The following PTPN9 variants were observed in gnomAD, a reference collection of about 807,000 sequenced individuals.
PTPN9 encodes the protein tyrosine-protein phosphatase non-receptor type 9.
PTPN9 carries 26 observed loss-of-function variants against 69.8 expected under a neutral mutation model. The observed-to-expected ratio is 0.37, with a 90% CI of 0.27 to 0.52. The LOEUF is 0.52. PTPN9 is among the 20% of genes least tolerant of loss of function. The pLI is 0.91. For synonymous variants in PTPN9, 274 were observed against 272.5 expected (o/e 1.01, Z -0.05); for missense variants, 549 against 740.3 (o/e 0.74, Z 3.00).
At chr15:75,491,178 G>A (rs2074709029) in intron 7 of PTPN9, among the ~76,000 whole-genome samples, 1 of 152,004 alleles carries the variant, frequency 6.6e-6, no homozygotes, top group Non-Finnish European at 1.5e-5. Flanking sequence ...CAAGGCGGGT[G>A]GATCACCTGG....
intron 1 of PTPN9, among the ~76,000 whole-genome samples, chr15:75,544,698 G>A (rs569234261): frequency 3.3e-5 from 5 of 152,210 alleles, no homozygotes; most frequent in South Asian, 4.1e-4. Flanking sequence ...CACTCATGCC[G>A]CTAAAGAGTG....
At chr15:75,508,246 C>T (rs572850156) in intron 6 of PTPN9, among the ~76,000 whole-genome samples, 155 of 152,096 alleles carry the variant, frequency 1.0e-3, no homozygotes, top group Middle Eastern at 3.4e-3. Context: ...ATTGTGGCGG[C>T]GGGGTCTCAC....
At chr15:75,517,422 T>A (rs987863842) in intron 4 of PTPN9, 58 bp from the exon 5 acceptor site, 58 of 1,437,678 alleles carry the variant, frequency 4.0e-5, no homozygotes, top group Non-Finnish European at 5.5e-5. Context: ...TGAGGCAGGT[T>A]GAAAGCCTAA....
chr15:75,562,014 T>TTAG (rs1245089236), intron 1 of PTPN9, among the ~76,000 whole-genome samples: 3 of 151,932 alleles, frequency 2.0e-5, no homozygotes, highest in African/African-American at 7.3e-5. Flanking sequence ...AGCTAATTTA[T>TTAG]TATTATTATT....
At chr15:75,550,002 T>G (rs1337634378) in intron 1 of PTPN9, among the ~76,000 whole-genome samples, 1 of 150,474 alleles carries the variant, frequency 6.6e-6, no homozygotes, top group Non-Finnish European at 1.5e-5. Context: ...AAAAAAACTG[T>G]CTTGATAAAC....
intron 1 of PTPN9, among the ~76,000 whole-genome samples, chr15:75,543,753 A>G (rs1354791512): frequency 6.6e-6 from 1 of 152,202 alleles, no homozygotes; most frequent in East Asian, 1.9e-4. Context: ...ACAATAAAAC[A>G]TATTAGTTTT....
chr15:75,577,745 CTTTTTCTTTTTTCATGTTTA>C (rs1319877479), intron 1 of PTPN9, among the ~76,000 whole-genome samples: 1 of 152,170 alleles, frequency 6.6e-6, no homozygotes, highest in African/African-American at 2.4e-5. Flanking sequence ...CATGGTTTGC[CTTTTTCTTTTTTCATGTTTA>C]TTTTTATTTT....
intron 1 of PTPN9, among the ~76,000 whole-genome samples, chr15:75,573,301 C>T (rs1222110791): frequency 6.6e-6 from 1 of 152,194 alleles, no homozygotes; most frequent in Non-Finnish European, 1.5e-5. Flanking sequence ...CAGAGCCTGA[C>T]TGAAAGCAGG....
chr15:75,483,375 G>T (rs980723804), intron 8 of PTPN9, among the ~76,000 whole-genome samples: 2 of 152,148 alleles, frequency 1.3e-5, no homozygotes, highest in African/African-American at 4.8e-5. Flanking sequence ...ATATTATTTG[G>T]CAGTAAAAAG....
chr15:75,503,623 G>A (rs1490325863), intron 7 of PTPN9, among the ~76,000 whole-genome samples: 59 of 106,628 alleles, frequency 5.5e-4, no homozygotes, highest in Admixed American at 7.3e-4. Context: ...CCGGCCAGCC[G>A]CCCCGTCCGG....
chr15:75,504,948 G>A (rs1050140953), intron 7 of PTPN9, among the ~76,000 whole-genome samples: 128 of 152,152 alleles, frequency 8.4e-4, no homozygotes, highest in African/African-American at 2.9e-3. Flanking sequence ...CCACCACCTC[G>A]TCTGGGAGGT....
intron 7 of PTPN9, among the ~76,000 whole-genome samples, chr15:75,494,778 C>T (rs894408541): frequency 6.6e-6 from 1 of 152,014 alleles, no homozygotes; most frequent in African/African-American, 2.4e-5. Context: ...AATCCCAGCA[C>T]TTTGGGAGGC....
Position 75,578,737 on chromosome 15 carries a change from C to G in PTPN9, c.40G>C (p.Glu14Gln). Residue 14 changes from glutamate to glutamine, a missense_variant, in exon 1 of 13, where the codon GAG (glutamate) becomes CAG (glutamine). By Grantham distance (29) the Glu-to-Gln change is conservative. Around this residue, in one of 3 missense-constraint regions of PTPN9, gnomAD observed 62 missense variants for 53.6 expected, o/e 1.16. Transcript: ENST00000618819. ...ATAPRPDMAP[E>Q]LTPEEEQATK... is the part of the protein sequence containing the mutation. ...ACCTGCTCCTCCTCCGGGGTCAGCT[C>G]CGGCGCCATGTCGGGCCGGGGCGCG... 2.3e-6 allele frequency: 3 copies of G among 1,333,118 alleles called. No homozygotes were observed. Among genetic ancestry groups the G allele is most frequent in the Non-Finnish European group, 2.9e-6 (3 of 1,040,130 alleles). 82.6% of individuals were successfully genotyped at this position (1,333,118 alleles called of 1,614,324 possible).
intron 8 of PTPN9, among the ~76,000 whole-genome samples, chr15:75,489,342 A>G (rs1422960563): frequency 6.6e-6 from 1 of 152,068 alleles, no homozygotes; most frequent in Non-Finnish European, 1.5e-5. Context: ...TAATTCCAGC[A>G]CTTAGGGAGG....
At chr15:75,560,760 C>T (rs1428606721) in intron 1 of PTPN9, among the ~76,000 whole-genome samples, 1 of 152,316 alleles carries the variant, frequency 6.6e-6, no homozygotes, top group African/African-American at 2.4e-5. Flanking sequence ...GTGGCTCACA[C>T]CTGTAATCCC....
chr15:75,469,649 G>T, intron 12 of PTPN9, 143 bp downstream of exon 12: 1 of 884,262 alleles, frequency 1.1e-6, no homozygotes. Flanking sequence ...AAGGACATTA[G>T]ATGAGGGATT....
chr15:75,499,284 G>T (rs939689687), intron 7 of PTPN9, among the ~76,000 whole-genome samples: 2 of 151,878 alleles, frequency 1.3e-5, no homozygotes, highest in Non-Finnish European at 2.9e-5. Context: ...ATAAAGTGGG[G>T]AATCAGTCAT....
At chr15:75,517,950 A>T (rs1430227812) in intron 4 of PTPN9, among the ~76,000 whole-genome samples, 1 of 152,214 alleles carries the variant, frequency 6.6e-6, no homozygotes, top group African/African-American at 2.4e-5. Context: ...CTCTAAGAAA[A>T]TATTTCAGAC....
At chr15:75,531,998 T>C (rs2074966154) in intron 1 of PTPN9, among the ~76,000 whole-genome samples, 1 of 152,176 alleles carries the variant, frequency 6.6e-6, no homozygotes, top group Non-Finnish European at 1.5e-5. Context: ...GTATACAATT[T>C]CTAATAAAAA....
Sources: allele counts gnomAD v4.1 joint callset (sites outside exome capture counted in the v4.1 genomes callset), GRCh38; gene constraint gnomAD v4.1.1; regional missense constraint gnomAD v4.1.1; transcripts MANE v1.5; gene names NCBI Gene and HGNC (gene_info 2026-07-23, HGNC 2026-07-21).